EIF3J: variants seen among roughly 807,000 people sequenced by gnomAD.
EIF3J encodes the protein eukaryotic translation initiation factor 3, subunit 1 (alpha, 35kD).
EIF3J carries 15 observed loss-of-function variants against 39.0 expected under a neutral mutation model. The ratio of observed to expected loss-of-function variants is 0.38; its 90% CI spans 0.26 to 0.59. The LOEUF (loss-of-function observed/expected upper bound fraction) is 0.59. Among genes scored for constraint, EIF3J ranks in the 20% least tolerant of loss-of-function variants. The probability of loss-of-function intolerance (pLI) is 0.60; values close to 1 mark genes in which losing one functional copy is unlikely to be tolerated. For missense variants in EIF3J, 226 were observed against 308.6 expected (o/e 0.73, Z 2.00); for synonymous variants, 98 against 112.9 (o/e 0.87, Z 0.84).
chr15:44,554,392 A>AT (rs2082126982), intron 4 of EIF3J, among the ~76,000 whole-genome samples, 161 bp from the exon 5 acceptor site: 1 of 151,870 alleles, frequency 6.6e-6, no homozygotes, highest in East Asian at 1.9e-4. Context: ...AAAAAAAAAA[A>AT]AAAAAAAACT....
chr15:44,554,734 A>AAAGGAGATGTTTTCTG, intron 5 of EIF3J, 67 bp downstream of exon 5: 1 of 975,636 alleles, frequency 1.0e-6, no homozygotes, highest in Non-Finnish European at 1.5e-6. Context: ...AAAGTTCAGA[A>AAAGGAGATGTTTTCTG]AACATCTCCT....
At chr15:44,538,447 T>G (rs2140887536) in intron 2 of EIF3J, among the ~76,000 whole-genome samples, 1 of 152,338 alleles carries the variant, frequency 6.6e-6, no homozygotes, top group Non-Finnish European at 1.5e-5. Flanking sequence ...TTTAGTGAAT[T>G]TCTCCTAATT....
At chr15:44,538,349 T>C (rs910586721) in intron 2 of EIF3J, among the ~76,000 whole-genome samples, 2 of 152,178 alleles carry the variant, frequency 1.3e-5, no homozygotes, top group Non-Finnish European at 2.9e-5. Flanking sequence ...AAGACTCTTA[T>C]TAACAAAGTT....
At chr15:44,560,162 A>G in intron 6 of EIF3J, 87 bp from the exon 7 acceptor site, 1 of 1,008,654 alleles carries the variant, frequency 9.9e-7, no homozygotes, top group Non-Finnish European at 1.4e-6. Flanking sequence ...TGGGATATAT[A>G]GATATATATG....
chr15:44,554,109 G>GC (rs2082124080), intron 4 of EIF3J, among the ~76,000 whole-genome samples: 1 of 152,094 alleles, frequency 6.6e-6, no homozygotes, highest in Non-Finnish European at 1.5e-5. Context: ...GGGCGCAGTG[G>GC]CTCACACCTG....
intron 4 of EIF3J, among the ~76,000 whole-genome samples, 160 bp from the exon 5 acceptor site, chr15:44,554,393 A>C (rs981616968): frequency 1.6e-4 from 25 of 151,650 alleles, no homozygotes; most frequent in African/African-American, 5.6e-4. Flanking sequence ...AAAAAAAAAA[A>C]AAAAAAACTA....
intron 2 of EIF3J, among the ~76,000 whole-genome samples, chr15:44,539,733 T>TTTC (rs2081993884): frequency 8.6e-6 from 1 of 116,366 alleles, no homozygotes; most frequent in South Asian, 2.5e-4. Context: ...TTTCTTTTTC[T>TTTC]TTTTTTTTTT....
chr15:44,556,814 A>G (rs902181312), intron 5 of EIF3J, among the ~76,000 whole-genome samples: 2 of 151,762 alleles, frequency 1.3e-5, no homozygotes, highest in Admixed American at 6.6e-5. Flanking sequence ...GTCTGGCCAC[A>G]CCTGGCTAAT....
intron 2 of EIF3J, among the ~76,000 whole-genome samples, chr15:44,548,671 C>T (rs1406442780): frequency 1.3e-5 from 2 of 152,144 alleles, no homozygotes; most frequent in Admixed American, 6.5e-5. Flanking sequence ...TGGCGAGGGC[C>T]TTCTTGCTCT....
chr15:44,559,397 C>G (rs1329223377), intron 6 of EIF3J, among the ~76,000 whole-genome samples: 1 of 142,842 alleles, frequency 7.0e-6, no homozygotes, highest in Non-Finnish European at 1.5e-5. Context: ...GGTGACAAAG[C>G]GAGACTCTGT....
chr15:44,552,737 A>G (rs771520259), intron 4 of EIF3J, among the ~76,000 whole-genome samples: 1 of 150,844 alleles, frequency 6.6e-6, no homozygotes. Flanking sequence ...ATTTTGTATT[A>G]TCAGTAGAGA....
chr15:44,549,764 C>CAA (rs774290941), intron 2 of EIF3J, among the ~76,000 whole-genome samples: 374 of 11,410 alleles, frequency 0.033, 47 homozygotes, highest in African/African-American at 0.075. Context: ...GACTCCGTCT[C>CAA]AAAAAAAAAA....
At chr15:44,544,567 G>A (rs2082038140) in intron 2 of EIF3J, among the ~76,000 whole-genome samples, 2 of 151,750 alleles carry the variant, frequency 1.3e-5, no homozygotes, top group African/African-American at 4.8e-5. Context: ...GCCAGTTCGT[G>A]GTAGCACATG....
intron 2 of EIF3J, among the ~76,000 whole-genome samples, chr15:44,542,711 A>T (rs1441802532): frequency 2.0e-5 from 3 of 152,260 alleles, no homozygotes; most frequent in African/African-American, 7.2e-5. Flanking sequence ...CATCTCTTTC[A>T]TAGAAATAGC....
intron 4 of EIF3J, among the ~76,000 whole-genome samples, chr15:44,552,968 T>A (rs1445937369): frequency 2.0e-5 from 3 of 151,516 alleles, no homozygotes; most frequent in African/African-American, 7.3e-5. Flanking sequence ...GGAGTATTGC[T>A]TGAGTCCATG....
chr15:44,540,267 ATTT>A (rs71111863), intron 2 of EIF3J, among the ~76,000 whole-genome samples: 3,484 of 60,996 alleles, frequency 0.057, 87 homozygotes, highest in South Asian at 0.075. Flanking sequence ...ATATATATAT[ATTT>A]TTTTTTTTTT....
At chr15:44,544,635 C>T (rs1301640686) in intron 2 of EIF3J, among the ~76,000 whole-genome samples, 18 of 145,194 alleles carry the variant, frequency 1.2e-4, no homozygotes. Flanking sequence ...ACCCAGGAGG[C>T]AGAGGTTGCG....
intron 2 of EIF3J, among the ~76,000 whole-genome samples, chr15:44,538,151 G>C (rs1395270763): frequency 2.0e-5 from 3 of 152,190 alleles, no homozygotes; most frequent in Admixed American, 6.5e-5. Context: ...GGTGGTTGTA[G>C]ATGACGGGCC....
rs1383594404 is a variant in EIF3J, at chr15:44,559,250, AAAAAC to A, written c.572-997_572-993del. The A allele has an allele frequency of 2.7e-5, 4 of 150,746 alleles. No individual in the cohort carries two copies. The Admixed American group carries it at 2.7e-4, about 10-fold the overall frequency. 9.3% of individuals were successfully genotyped at this position (150,746 alleles called of 1,614,324 possible). A position where few individuals can be genotyped will look rare whatever the true frequency, so the allele number is the denominator to read the frequency against. Reference sequence around the variant, plus strand: ...CTCATCTCTATTAAAAAAAAAAAAAAAAAACACAAAAATCAGCTGGGCATGGTGGC... The same window carrying A: ...CTCATCTCTATTAAAAAAAAAAAAAAACAAAAATCAGCTGGGCATGGTGGC... On this transcript the variant is annotated intron_variant, in intron 6 of 7. Transcript: ENST00000261868.
Sources: gnomAD v4.1 joint callset for allele counts (sites outside exome capture counted in the v4.1 genomes callset) on GRCh38, gnomAD v4.1.1 for gene constraint, MANE v1.5 for transcripts, NCBI Gene and HGNC (gene_info 2026-07-23, HGNC 2026-07-21) for gene names.